Variants in HOMER2 observed in about 807,000 individuals in gnomAD.
HOMER2 encodes homer scaffold protein 2.
In HOMER2, 27 loss-of-function variants were observed where a neutral mutation model predicts 47.0. The ratio of observed to expected loss-of-function variants is 0.57; its 90% CI spans 0.42 to 0.79. The LOEUF (loss-of-function observed/expected upper bound fraction) is 0.79. Among genes scored for constraint, HOMER2 ranks in the 30% least tolerant of loss-of-function variants. The pLI is 0.00. For missense variants in HOMER2, 443 were observed against 435.0 expected (o/e 1.02, Z -0.16); for synonymous variants, 161 against 163.8 (o/e 0.98, Z 0.13).
intron 1 of HOMER2, among the ~76,000 whole-genome samples, chr15:82,902,542 C>G (rs1451429772): frequency 6.6e-6 from 1 of 152,154 alleles, no homozygotes; most frequent in Non-Finnish European, 1.5e-5. Flanking sequence ...CTGCCCAAGT[C>G]ACAGGATTAA....
chr15:82,859,661 C>A (rs1381901835), intron 4 of HOMER2, among the ~76,000 whole-genome samples: 3 of 152,170 alleles, frequency 2.0e-5, no homozygotes, highest in Non-Finnish European at 2.9e-5. Flanking sequence ...GAACCAGGTC[C>A]TGTTGTTTGC....
intron 5 of HOMER2, among the ~76,000 whole-genome samples, chr15:82,858,793 C>T (rs1417722703): frequency 3.3e-5 from 5 of 152,092 alleles, no homozygotes; most frequent in Admixed American, 6.5e-5. Flanking sequence ...CAATATCTCT[C>T]TCTCACACAC....
In HOMER2 at chr15:82,848,988, T is replaced by A. The variant is rs1409795776; in HGVS notation, c.*727A>T. On this transcript the variant is annotated 3_prime_UTR_variant, in exon 9 of 9. Transcript: ENST00000450735. ...CACTAAATTCTGTGTACACATTTAA[T>A]TGAACAAATATTTATTAAGCACCTA... 1.3e-5 allele frequency: 2 copies of A among 152,250 alleles called. No individual in the cohort carries two copies. Among genetic ancestry groups the A allele is most frequent in the Non-Finnish European group, 2.9e-5 (2 of 68,060 alleles). 9.4% of individuals were successfully genotyped at this position (152,250 alleles called of 1,614,324 possible). A position where few individuals can be genotyped will look rare whatever the true frequency, so the allele number is the denominator to read the frequency against.
intron 4 of HOMER2, 112 bp downstream of exon 4, chr15:82,864,055 C>G (rs542478077): frequency 6.4e-6 from 4 of 627,320 alleles, no homozygotes; most frequent in African/African-American, 1.8e-5. Flanking sequence ...GTTGAAAAAG[C>G]CTTCAAAATG....
intron 3 of HOMER2, among the ~76,000 whole-genome samples, chr15:82,871,321 G>A (rs903977945): frequency 6.6e-6 from 1 of 152,200 alleles, no homozygotes; most frequent in Non-Finnish European, 1.5e-5. Context: ...AGATGAAAAT[G>A]TCCACACTGG....
downstream of HOMER2, chr15:82,844,034 T>C (rs1342873366): frequency 6.6e-6 from 1 of 152,224 alleles, no homozygotes; most frequent in African/African-American, 2.4e-5. Context: ...GATCCAGGCT[T>C]GACAGAGGCT....
intron 1 of HOMER2, among the ~76,000 whole-genome samples, chr15:82,980,083 G>A (rs1483731539): frequency 1.3e-5 from 2 of 151,834 alleles, no homozygotes; most frequent in Non-Finnish European, 2.9e-5. Flanking sequence ...ATAGAGAAGT[G>A]TATTATATAT....
chr15:82,933,983 G>A (rs775233525), intron 1 of HOMER2, among the ~76,000 whole-genome samples: 3 of 152,010 alleles, frequency 2.0e-5, no homozygotes, highest in South Asian at 2.1e-4. Flanking sequence ...AATCTGAGCC[G>A]GTCCTTCCCG....
intron 2 of HOMER2, among the ~76,000 whole-genome samples, chr15:82,877,042 T>C (rs1331212527): frequency 1.3e-5 from 2 of 152,254 alleles, no homozygotes; most frequent in Non-Finnish European, 2.9e-5. Context: ...CAACAGCAAT[T>C]ACTATTTGTT....
At chr15:82,835,646 T>C (rs2051118509), downstream of HOMER2, 1 of 148,368 alleles carries the variant, frequency 6.7e-6, no homozygotes, top group South Asian at 2.1e-4. Context: ...TGTGCCTCAC[T>C]GTGCTGGCCC....
chr15:82,901,761 T>G (rs1195303402), intron 1 of HOMER2, among the ~76,000 whole-genome samples: 1 of 152,218 alleles, frequency 6.6e-6, no homozygotes, highest in Non-Finnish European at 1.5e-5. Context: ...GTGGAGCTAT[T>G]TTCTCTTCCA....
At chr15:82,895,991 C>T (rs2052900462) in intron 1 of HOMER2, among the ~76,000 whole-genome samples, 1 of 152,080 alleles carries the variant, frequency 6.6e-6, no homozygotes, top group Admixed American at 6.6e-5. Context: ...AAAGAAGTGG[C>T]CCCTAGAGCC....
intron 3 of HOMER2, among the ~76,000 whole-genome samples, chr15:82,873,617 G>T (rs2052246908): frequency 6.6e-6 from 1 of 152,196 alleles, no homozygotes. Context: ...CTGCCCTCGA[G>T]ATTTTTGCTT....
chr15:82,983,168 T>G (rs1463624501), intron 1 of HOMER2, among the ~76,000 whole-genome samples: 2 of 152,234 alleles, frequency 1.3e-5, no homozygotes, highest in African/African-American at 4.8e-5. Context: ...AATAAAATGT[T>G]GAATATCTCA....
chr15:82,956,837 T>C (rs78938268), upstream of HOMER2, among the ~76,000 whole-genome samples: 8,137 of 152,212 alleles, frequency 0.053, 299 homozygotes, highest in Middle Eastern at 0.12. Context: ...AGAAGGAATA[T>C]AGGGTAAAGG....
chr15:82,859,299 T>C (rs1407649058), intron 4 of HOMER2, 164 bp from the exon 5 acceptor site: 1 of 796,244 alleles, frequency 1.3e-6, no homozygotes, highest in Non-Finnish European at 1.8e-6. Flanking sequence ...GACTAACAAG[T>C]TTTTGTTTTT....
chr15:82,912,840 G>A (rs533337192), intron 1 of HOMER2, among the ~76,000 whole-genome samples: 35 of 152,336 alleles, frequency 2.3e-4, no homozygotes, highest in African/African-American at 7.7e-4. Flanking sequence ...GAACAACCGT[G>A]TACCTATCTG....
In HOMER2 at chr15:82,875,256, G is replaced by A; in HGVS notation, c.294+17C>T. ...TCTGATGCGGGATTTACTGCACTGTGGATAGGACCAAGTTACCTTTGTCAG... is the reference window on the plus strand; with the variant it reads ...TCTGATGCGGGATTTACTGCACTGTAGATAGGACCAAGTTACCTTTGTCAG... On this transcript the variant is annotated intron_variant, in intron 3 of 8. Transcript: ENST00000450735. 1 of 1,612,424 alleles carries A rather than the reference G, an allele frequency of 6.2e-7. No homozygotes were observed. Among genetic ancestry groups the A allele is most frequent in the Non-Finnish European group, 8.5e-7 (1 of 1,179,580 alleles).
In HOMER2 at chr15:82,862,775, C is replaced by T. The variant is rs547188488; in HGVS notation, c.387+1392G>A. Among the ~76,000 whole-genome samples the T allele has an allele frequency of 2.6e-5, 4 of 152,122 alleles. No homozygotes were observed. In the East Asian group the frequency reaches 5.8e-4, roughly 22 times the overall value. On this transcript the variant is annotated intron_variant, in intron 4 of 8. Coordinates refer to ENST00000450735, the MANE Select transcript of HOMER2 (RefSeq NM_004839.4). ...CATATTTTATATGATGAGGCCAGAA[C>T]AAGGTATTGGAAAGACAACTCAAGG...
Sources: gnomAD v4.1 joint callset for allele counts (sites outside exome capture counted in the v4.1 genomes callset) on GRCh38, gnomAD v4.1.1 for gene constraint, MANE v1.5 for transcripts, NCBI Gene and HGNC (gene_info 2026-07-23, HGNC 2026-07-21) for gene names.